Variants in DSE observed in about 807,000 individuals in gnomAD.
The protein encoded by DSE is dermatan sulfate epimerase, also known as dermatan-sulfate epimerase.
A neutral mutation model predicts 84.4 loss-of-function variants in DSE; 36 were observed. The ratio of observed to expected loss-of-function variants is 0.43; its 90% CI spans 0.33 to 0.56. DSE has a LOEUF of 0.56. DSE is among the 20% of genes least tolerant of loss of function. DSE has a pLI of 0.06. For missense variants in DSE, 862 were observed against 1,169.6 expected, an observed-to-expected ratio of 0.74 and a Z score of 3.84; for synonymous variants, 410 against 430.1, an observed-to-expected ratio of 0.95 and a Z score of 0.58.
chr6:116,367,557 A>G (rs1457283673), upstream of DSE, among the ~76,000 whole-genome samples: 1 of 152,208 alleles, frequency 6.6e-6, no homozygotes, highest in Non-Finnish European at 1.5e-5. Flanking sequence ...GACAACAACA[A>G]AAAATAACAT....
chr6:116,261,331 C>T (rs1001087543), intron 2 of DSE, among the ~76,000 whole-genome samples: 1 of 152,032 alleles, frequency 6.6e-6, no homozygotes, highest in African/African-American at 2.4e-5. Flanking sequence ...AGGTTCACGC[C>T]ACTCTCCTGC....
At chr6:116,391,496 G>A (rs1352366742) in intron 1 of DSE, among the ~76,000 whole-genome samples, 2 of 152,186 alleles carry the variant, frequency 1.3e-5, no homozygotes, top group African/African-American at 4.8e-5. Flanking sequence ...GCCAGGCACT[G>A]TGGCTCACGC....
intron 2 of DSE, chr6:116,288,354 A>G (rs756367884): frequency 6.6e-6 from 1 of 152,152 alleles, no homozygotes; most frequent in Non-Finnish European, 1.5e-5. Flanking sequence ...AAGTTAGACT[A>G]TTGTGCAAGG....
chr6:116,424,384 T>C (rs1446395880), intron 2 of DSE, among the ~76,000 whole-genome samples: 1 of 152,340 alleles, frequency 6.6e-6, no homozygotes, highest in African/African-American at 2.4e-5. Context: ...GCTAAGAAAC[T>C]CATCAATCTT....
At chr6:116,274,785 CCTT>C (rs1209612224) in intron 2 of DSE, among the ~76,000 whole-genome samples, 3 of 152,126 alleles carry the variant, frequency 2.0e-5, no homozygotes, top group Admixed American at 6.5e-5. Flanking sequence ...ATTTTACTCA[CCTT>C]CTTTTTACCC....
At chr6:116,320,555 G>T (rs1436883243) in intron 2 of DSE, among the ~76,000 whole-genome samples, 8 of 151,994 alleles carry the variant, frequency 5.3e-5, no homozygotes, top group Admixed American at 5.2e-4. Flanking sequence ...GTTTGCTTGC[G>T]CTGCCATAAC....
chr6:116,307,941 T>C (rs1775446023), intron 2 of DSE, among the ~76,000 whole-genome samples: 1 of 152,248 alleles, frequency 6.6e-6, no homozygotes, highest in South Asian at 2.1e-4. Flanking sequence ...CTTTCAATAG[T>C]CATCTCTATC....
At position 116,441,773 on chromosome 6, in the gene DSE, A is replaced by G. The variant is rs1407233442; in HGVS notation, c.*4428A>G. ...TATATATTGAGTGCAGTATGTTTAA[A>G]TGGAAGTCCCACAGCACTTTTCAGT... is the stretch of plus-strand genomic sequence containing the variant. On this transcript the variant is annotated 3_prime_UTR_variant, in exon 6 of 6. Transcript: ENST00000644252. 3 of 152,230 alleles carry G rather than the reference A, an allele frequency of 2.0e-5. No individual in the cohort carries two copies. The highest frequency in any genetic ancestry group is 7.2e-5 in the African/African-American group (3 of 41,452). 9.4% of individuals were successfully genotyped at this position (152,230 alleles called of 1,614,324 possible).
At chr6:116,370,629 A>G, upstream of DSE, 1 of 729,272 alleles carries the variant, frequency 1.4e-6, no homozygotes, top group Non-Finnish European at 1.7e-6. Context: ...TTTGAGTCCT[A>G]AGAAACTAGA....
At chr6:116,268,484 CTA>C (rs1471416087) in intron 2 of DSE, among the ~76,000 whole-genome samples, 2 of 152,140 alleles carry the variant, frequency 1.3e-5, no homozygotes, top group African/African-American at 4.8e-5. Flanking sequence ...GACTGAACTG[CTA>C]TGTTCTAGAC....
intron 1 of DSE, chr6:116,256,684 T>C (rs1704313603): frequency 6.6e-6 from 1 of 152,198 alleles, no homozygotes; most frequent in Non-Finnish European, 1.5e-5. Flanking sequence ...TTAATGAATC[T>C]TGATTATTTA....
chr6:116,259,210 GAA>G, intron 2 of DSE: 1 of 631,724 alleles, frequency 1.6e-6, no homozygotes, highest in Non-Finnish European at 2.8e-6. Flanking sequence ...TAATTTAAAG[GAA>G]AAATAAAAGG....
At chr6:116,357,754 A>G (rs375908372) in intron 2 of DSE, among the ~76,000 whole-genome samples, 4 of 152,152 alleles carry the variant, frequency 2.6e-5, no homozygotes, top group Admixed American at 6.5e-5. Flanking sequence ...ACTTTCCCCA[A>G]TGATTCCAAG....
chr6:116,426,937 C>A, intron 3 of DSE, 110 bp downstream of exon 3: 1 of 1,385,784 alleles, frequency 7.2e-7, no homozygotes, highest in Non-Finnish European at 9.6e-7. Context: ...ATACTTGGAT[C>A]CTAACTAAAC....
At chr6:116,277,507 G>A (rs1216485427) in intron 2 of DSE, 1 of 152,280 alleles carries the variant, frequency 6.6e-6, no homozygotes, top group South Asian at 2.1e-4. Flanking sequence ...AAAGGGCTAG[G>A]AAGTAGGAAG....
chr6:116,394,734 T>A (rs1216651352), intron 1 of DSE, among the ~76,000 whole-genome samples: 4 of 152,078 alleles, frequency 2.6e-5, no homozygotes, highest in African/African-American at 9.7e-5. Flanking sequence ...CCAAGTTGTG[T>A]GACATAAGAC....
rs1784515806 is a variant in DSE, at chr6:116,444,341, G to C, written c.*6996G>C. On this transcript the variant is annotated 3_prime_UTR_variant, in exon 6 of 6. Coordinates refer to ENST00000644252, the MANE Select transcript of DSE (RefSeq NM_013352.4). ...AAGTCACTGGACTACAATCCTTTAG[G>C]GCAGGGATTGTGTCTCTTGCTCGTT... 1 of 152,048 alleles carries C rather than the reference G, an allele frequency of 6.6e-6. No homozygotes were observed. The highest frequency in any genetic ancestry group is 6.5e-5 in the Admixed American group (1 of 15,268). 9.4% of individuals were successfully genotyped at this position (152,048 alleles called of 1,614,324 possible).
intron 2 of DSE, among the ~76,000 whole-genome samples, chr6:116,402,153 G>A (rs1781638231): frequency 6.6e-6 from 1 of 152,136 alleles, no homozygotes; most frequent in African/African-American, 2.4e-5. Flanking sequence ...TTTTACCTAT[G>A]GCAAAGGGTA....
At chr6:116,390,235 T>C (rs917230435) in intron 1 of DSE, among the ~76,000 whole-genome samples, 8 of 151,888 alleles carry the variant, frequency 5.3e-5, no homozygotes, top group African/African-American at 1.9e-4. Flanking sequence ...ACCCAAATAA[T>C]TTTTGTATTT....
Sources: gnomAD v4.1 joint callset for allele counts (sites outside exome capture counted in the v4.1 genomes callset) on GRCh38, gnomAD v4.1.1 for gene constraint, MANE v1.5 for transcripts, NCBI Gene and HGNC (gene_info 2026-07-23, HGNC 2026-07-21) for gene names.